Variants in MVP observed in about 807,000 individuals in gnomAD.
The protein encoded by MVP is lung resistance-related protein.
In MVP, 62 loss-of-function variants were observed where a neutral mutation model predicts 83.5. The observed-to-expected ratio is 0.74, with a 90% CI of 0.61 to 0.92. The LOEUF is 0.92. Among genes scored for constraint, MVP ranks in the 40% least tolerant of loss-of-function variants. The pLI is 0.00. For synonymous variants in MVP, 505 were observed against 504.1 expected (o/e 1.00, Z -0.02); for missense variants, 1,000 against 1,203.4 (o/e 0.83, Z 2.50).
Position 29,834,083 on chromosome 16 carries a change from G to GCGAT in MVP, c.577+18_577+21dup, listed in dbSNP as rs1567390711. On this transcript the variant is annotated intron_variant, in intron 5 of 14. Transcript: ENST00000357402. ...GGGTGACAGGTGGGGTCACCAAGGGGCGATGATGGTGGGTGGGCAGGAGGG... is the reference window on the plus strand; with the variant it reads ...GGGTGACAGGTGGGGTCACCAAGGGGCGATCGATGATGGTGGGTGGGCAGGAGGG... 6.2e-7 allele frequency: 1 copy of GCGAT among 1,611,600 alleles called. No individual in the cohort carries two copies. Among genetic ancestry groups the GCGAT allele is most frequent in the Non-Finnish European group, 8.5e-7 (1 of 1,179,050 alleles).
At chr16:29,835,163 T>C (rs2067475852) in intron 5 of MVP, 1 of 152,588 alleles carries the variant, frequency 6.6e-6, no homozygotes, top group South Asian at 2.0e-4. Flanking sequence ...GCAGTTCTGC[T>C]GCCTGTTTTA....
chr16:29,841,962 TCA>T lies in MVP; in HGVS notation c.1487_1488del (p.Thr496SerfsTer25). 11 of 1,612,918 alleles carry T rather than the reference TCA, an allele frequency of 6.8e-6. No homozygotes were observed. The highest frequency in any genetic ancestry group is 8.5e-6 in the Non-Finnish European group (10 of 1,180,026). ...GTGTCGCTGGGTCCTGAGGAGCAGT[TCA>T]CAGTGTTGTCCCTCTCAGCTGGGCG... On this transcript the variant is annotated frameshift_variant, in exon 10 of 15. Transcript: ENST00000357402. LOFTEE classifies it high-confidence loss of function. This position sits in a 1 kb window ranked among gnomAD's most constrained non-coding sequence, Gnocchi z 4.7.
rs142239014 is a variant in MVP at position 29,841,805 on chromosome 16, G to A, written c.1401G>A (p.Ala467=). ...GCTACCGCGTGCCCCACAACGCTGC[G>A]GTGCAGGTGTACGACTACCGAGAGA... ...VVSYRVPHNA[A]VQVYDYREKR... is the part of the protein sequence containing the mutation. The change falls in exon 9 of 15, where the codon GCG becomes GCA. Residue 467 remains alanine (A), a synonymous_variant. Coordinates refer to ENST00000357402, the MANE Select transcript of MVP (RefSeq NM_005115.5). The surrounding 1 kb of genome is among the most constrained non-coding windows in gnomAD (Gnocchi z 4.7). 6.8e-6 allele frequency: 11 copies of A among 1,612,158 alleles called. No homozygotes were observed. Among genetic ancestry groups the A allele is most frequent in the African/African-American group, 4.0e-5 (3 of 74,904 alleles).
At position 29,840,179 on chromosome 16, in the gene MVP, G is replaced by A. The variant is rs748360080; in HGVS notation, c.911G>A (p.Gly304Glu). 3.1e-6 allele frequency: 5 copies of A among 1,607,552 alleles called. No individual in the cohort carries two copies. The highest frequency in any genetic ancestry group is 4.5e-5 in the East Asian group (2 of 44,788). ...NQLGQKRVVKGEKSFFLQPGE... is the reference protein window; with the variant it reads ...NQLGQKRVVKEEKSFFLQPGE... ...CCTAACCTCACGTCTCCCCACTAGG[G>A]AGAGAAGTCTTTTTTCCTCCAGCCA... The change falls in exon 8 of 15, where the codon GGA becomes GAA. Residue 304 changes from glycine (G) to glutamate (E), a missense_variant and splice_region_variant. Transcript: ENST00000357402.
Position 29,836,782 on chromosome 16 carries a change from A to G in MVP, c.733A>G (p.Thr245Ala). Residue 245 changes from threonine (T) to alanine (A), a missense_variant, in exon 7 of 15, where the codon ACT (threonine) becomes GCT (alanine). Thr to Ala is a moderately conservative substitution (Grantham distance 58, BLOSUM62 0). Transcript: ENST00000357402. ...GGACTTCAGGGGAGTGTCCCGCCGCACTGGGGAGGAGTGGCTGGTAACAGT... is the reference window on the plus strand; with the variant it reads ...GGACTTCAGGGGAGTGTCCCGCCGCGCTGGGGAGGAGTGGCTGGTAACAGT... ...FRDFRGVSRRTGEEWLVTVQD... is the reference protein window; with the variant it reads ...FRDFRGVSRRAGEEWLVTVQD... 6.2e-7 allele frequency: 1 copy of G among 1,612,974 alleles called. No homozygotes were observed. The highest frequency in any genetic ancestry group is 1.1e-5 in the South Asian group (1 of 90,988).
chr16:29,842,954 C>T (rs531660446), intron 10 of MVP, among the ~76,000 whole-genome samples: 2 of 152,184 alleles, frequency 1.3e-5, no homozygotes, highest in African/African-American at 2.4e-5. Context: ...TGCAAGGGGG[C>T]GGTGAGAACT....
intron 7 of MVP, 44 bp from the exon 8 acceptor site, chr16:29,840,134 G>A (rs374211928): frequency 3.3e-5 from 51 of 1,546,448 alleles, no homozygotes; most frequent in Non-Finnish European, 4.2e-5. Flanking sequence ...GGAAGCACCC[G>A]CAACCCTAAA....
Position 29,833,642 on chromosome 16 carries a change from A to G in MVP, c.322-91A>G, listed in dbSNP as rs1428362806. The stretch of plus-strand genomic sequence containing the variant: ...CAGTCTTATTTCAGGACATACAGAG[A>G]TGGATGTTGTGGACCCGCCTCCAGA... On this transcript the variant is annotated intron_variant, in intron 3 of 14. Transcript: ENST00000357402. 10 of 1,550,538 alleles carry G rather than the reference A, an allele frequency of 6.4e-6. No individual in the cohort carries two copies. In the East Asian group the frequency reaches 2.3e-4, roughly 35 times the overall value.
intron 3 of MVP, chr16:29,831,516 T>C (rs2067442136): frequency 2.3e-6 from 1 of 441,182 alleles, no homozygotes; most frequent in Non-Finnish European, 4.6e-6. Context: ...AGACACTTGC[T>C]GGCTCTCACC....
At position 29,830,920 on chromosome 16, in the gene MVP, T is replaced by G; in HGVS notation, c.168T>G (p.Arg56=). 1 of 1,613,838 alleles carries G rather than the reference T, an allele frequency of 6.2e-7. No individual in the cohort carries two copies. Among genetic ancestry groups the G allele is most frequent in the Non-Finnish European group, 8.5e-7 (1 of 1,179,840 alleles). ...APMRMVTVPP[R]HYCTVANPVS... is the part of the protein sequence containing the mutation. ...TGCGCATGGTGACCGTCCCCCCACGTCACTACTGCACAGTGGCCAACCCTG... is the reference window on the plus strand; with the variant it reads ...TGCGCATGGTGACCGTCCCCCCACGGCACTACTGCACAGTGGCCAACCCTG... Residue 56 remains arginine, a synonymous_variant, in exon 3 of 15, where the codon CGT becomes CGG. Coordinates refer to ENST00000357402, the MANE Select transcript of MVP (RefSeq NM_005115.5).
In MVP at chr16:29,836,765, G is replaced by A; in HGVS notation, c.716G>A (p.Arg239Lys). The change falls in exon 7 of 15, where the codon AGG becomes AAG. Residue 239 changes from arginine (R) to lysine (K), a missense_variant. Arg to Lys is a conservative substitution (Grantham distance 26). Transcript: ENST00000357402. ...GCTCGGCGGAACTTCCGGGACTTCA[G>A]GGGAGTGTCCCGCCGCACTGGGGAG... is the stretch of plus-strand genomic sequence containing the variant. ...LRARRNFRDF[R>K]GVSRRTGEEW... 6.2e-7 allele frequency: 1 copy of A among 1,611,050 alleles called. No individual in the cohort carries two copies. The highest frequency in any genetic ancestry group is 1.1e-5 in the South Asian group (1 of 90,844).
chr16:29,837,021 G>T, intron 7 of MVP, 63 bp downstream of exon 7: 1 of 1,470,040 alleles, frequency 6.8e-7, no homozygotes, highest in Non-Finnish European at 9.3e-7. Context: ...AGTGGCATGA[G>T]GCCCTCTGCC....
At chr16:29,830,808 TCA>T in intron 2 of MVP, 68 bp from the exon 3 acceptor site, 1 of 1,574,988 alleles carries the variant, frequency 6.3e-7, no homozygotes. Flanking sequence ...GGTTTCTCTC[TCA>T]TTTGGTGTCC....
At chr16:29,831,263 C>T (rs1302630596) in intron 3 of MVP, among the ~76,000 whole-genome samples, 190 bp downstream of exon 3, 1 of 152,146 alleles carries the variant, frequency 6.6e-6, no homozygotes, top group Non-Finnish European at 1.5e-5. Flanking sequence ...AAGTGATTTT[C>T]CTGCCTCAGC....
In MVP at chr16:29,841,597, T is replaced by G; in HGVS notation, c.1193T>G (p.Val398Gly). The change falls in exon 9 of 15, where the codon GTG becomes GGG. Residue 398 changes from valine to glycine, a missense_variant and splice_region_variant. By Grantham distance (109) the Val-to-Gly change is moderately radical. Coordinates refer to ENST00000357402, the MANE Select transcript of MVP (RefSeq NM_005115.5). This position sits in a 1 kb window ranked among gnomAD's most constrained non-coding sequence, Gnocchi z 4.7. Reference sequence around the variant, plus strand: ...TTCCCTCCCTGTCCTCGTCCCAAGGTGCGCGCTGTGATTGGAAGCACCTAC... The same window carrying G: ...TTCCCTCCCTGTCCTCGTCCCAAGGGGCGCGCTGTGATTGGAAGCACCTAC... ...IYVQDVKTGK[V>G]RAVIGSTYML... The G allele has an allele frequency of 6.3e-7, 1 of 1,595,132 alleles. No individual in the cohort carries two copies. The highest frequency in any genetic ancestry group is 1.7e-5 in the Admixed American group (1 of 58,218).
intron 5 of MVP, chr16:29,834,898 C>G (rs533402894): frequency 8.3e-6 from 1 of 120,348 alleles, no homozygotes; most frequent in African/African-American, 3.2e-5. Context: ...TTAGTAGAGA[C>G]AGGGTTTCAC....
In MVP at chr16:29,841,936, G is replaced by T; in HGVS notation, c.1458G>T (p.Leu486=). 1 of 1,612,702 alleles carries T rather than the reference G, an allele frequency of 6.2e-7. No individual in the cohort carries two copies. The highest frequency in any genetic ancestry group is 1.3e-5 in the African/African-American group (1 of 75,036). The change falls in exon 10 of 15, where the codon CTG becomes CTT. Residue 486 remains leucine, a synonymous_variant. Coordinates refer to ENST00000357402, the MANE Select transcript of MVP (RefSeq NM_005115.5). The surrounding 1 kb of genome is among the most constrained non-coding windows in gnomAD (Gnocchi z 4.7). ...KRARVVFGPE[L]VSLGPEEQFT... The stretch of plus-strand genomic sequence containing the variant: ...GCAGCGTGGTCTTCGGGCCTGAGCT[G>T]GTGTCGCTGGGTCCTGAGGAGCAGT...
intron 1 of MVP, among the ~76,000 whole-genome samples, chr16:29,823,874 T>C (rs1429841847): frequency 6.6e-6 from 1 of 151,162 alleles, no homozygotes; most frequent in East Asian, 2.0e-4. Flanking sequence ...GAGAACTTTT[T>C]ACAATAGCAA....
chr16:29,842,802 G>A (rs183551872), intron 10 of MVP, among the ~76,000 whole-genome samples: 125 of 152,316 alleles, frequency 8.2e-4, no homozygotes, highest in Non-Finnish European at 1.6e-4. Flanking sequence ...CAGGGAAGGC[G>A]TGGGCTCACC....
Sources: allele counts gnomAD v4.1 joint callset (sites outside exome capture counted in the v4.1 genomes callset), GRCh38; gene constraint gnomAD v4.1.1; non-coding constraint Gnocchi (gnomAD v3.1); transcripts MANE v1.5; gene names NCBI Gene and HGNC (gene_info 2026-07-23, HGNC 2026-07-21).